The following CACNB2 variants were observed in gnomAD, a reference collection of about 807,000 sequenced individuals.
CACNB2 encodes the protein voltage-dependent L-type calcium channel subunit beta-2.
In CACNB2, 42 loss-of-function variants were observed where a neutral mutation model predicts 73.3. That is an observed-to-expected ratio of 0.57 (90% CI 0.45 to 0.74). CACNB2 has a LOEUF of 0.74. Among genes scored for constraint, CACNB2 ranks in the 30% least tolerant of loss-of-function variants. CACNB2 has a pLI of 0.00. For synonymous variants in CACNB2, 348 were observed against 310.3 expected (o/e 1.12, Z -1.28); for missense variants, 940 against 853.0 (o/e 1.10, Z -1.27).
chr10:18,425,346 A>T (rs529590944), intron 3 of CACNB2, among the ~76,000 whole-genome samples: 17 of 152,074 alleles, frequency 1.1e-4, no homozygotes, highest in African/African-American at 3.4e-4. Flanking sequence ...TTCTGTCACT[A>T]TTTTTGCTTT....
At chr10:18,400,320 G>A (rs1477129537) in intron 2 of CACNB2, among the ~76,000 whole-genome samples, 1 of 152,222 alleles carries the variant, frequency 6.6e-6, no homozygotes, top group Non-Finnish European at 1.5e-5. Flanking sequence ...GTAATGGAAA[G>A]GGATTATTAA....
intron 2 of CACNB2, among the ~76,000 whole-genome samples, chr10:18,155,095 A>C (rs1005040508): frequency 1.3e-5 from 2 of 152,134 alleles, no homozygotes. Flanking sequence ...TGCACAAATC[A>C]TGTGTTCAGC....
chr10:18,366,309 CA>C (rs1192269179), intron 2 of CACNB2, among the ~76,000 whole-genome samples: 1 of 150,390 alleles, frequency 6.6e-6, no homozygotes, highest in Non-Finnish European at 1.5e-5. Flanking sequence ...ACTAAAAATA[CA>C]AAAAATTAGC....
At chr10:18,395,523 T>G (rs1001597417) in intron 2 of CACNB2, among the ~76,000 whole-genome samples, 3 of 152,196 alleles carry the variant, frequency 2.0e-5, no homozygotes. Flanking sequence ...AGCCCTGTTT[T>G]CAGTATTTAG....
intron 2 of CACNB2, among the ~76,000 whole-genome samples, chr10:18,331,326 C>T (rs1312116077): frequency 2.0e-5 from 3 of 151,806 alleles, no homozygotes; most frequent in Non-Finnish European, 4.4e-5. Flanking sequence ...CAATGGCACA[C>T]ACCCATTGTC....
At chr10:18,207,627 C>T (rs2035150589) in intron 2 of CACNB2, among the ~76,000 whole-genome samples, 1 of 152,182 alleles carries the variant, frequency 6.6e-6, no homozygotes, top group Non-Finnish European at 1.5e-5. Flanking sequence ...TAAACACCTG[C>T]AGTACTGCAA....
chr10:18,332,353 T>G (rs2040838641), intron 2 of CACNB2, among the ~76,000 whole-genome samples: 1 of 152,046 alleles, frequency 6.6e-6, no homozygotes, highest in African/African-American at 2.4e-5. Flanking sequence ...GCTGGGAGGA[T>G]AGGGGAGCAT....
chr10:18,250,640 T>G (rs1438042127), intron 2 of CACNB2, among the ~76,000 whole-genome samples: 1 of 152,134 alleles, frequency 6.6e-6, no homozygotes, highest in Non-Finnish European at 1.5e-5. Flanking sequence ...TATTTAAGAT[T>G]TAGGATATCT....
chr10:18,203,110 A>C (rs1311227250), intron 2 of CACNB2, among the ~76,000 whole-genome samples: 1 of 152,240 alleles, frequency 6.6e-6, no homozygotes, highest in Non-Finnish European at 1.5e-5. Context: ...TCATGGGTAC[A>C]AAAGAGACAC....
At chr10:18,342,687 A>G (rs978118002) in intron 2 of CACNB2, among the ~76,000 whole-genome samples, 6 of 152,200 alleles carry the variant, frequency 3.9e-5, no homozygotes, top group African/African-American at 1.4e-4. Context: ...GAATGGTTAA[A>G]GTTTAAAACA....
chr10:18,192,134 C>T (rs572938075), intron 2 of CACNB2, among the ~76,000 whole-genome samples: 188 of 151,770 alleles, frequency 1.2e-3, no homozygotes, highest in Non-Finnish European at 2.4e-3. Flanking sequence ...GCAGAGGCAA[C>T]AAGAACAAGG....
At chr10:18,318,279 A>G (rs543874107) in intron 2 of CACNB2, among the ~76,000 whole-genome samples, 2 of 152,338 alleles carry the variant, frequency 1.3e-5, no homozygotes, top group East Asian at 3.9e-4. Context: ...AAACAGACAT[A>G]TAGACCAATG....
At chr10:18,491,998 G>C (rs2049463120) in intron 3 of CACNB2, among the ~76,000 whole-genome samples, 1 of 152,236 alleles carries the variant, frequency 6.6e-6, no homozygotes, top group African/African-American at 2.4e-5. Context: ...TCTGCAAGCT[G>C]TACAGGAATC....
chr10:18,509,787 C>A (rs1029336126), intron 6 of CACNB2, among the ~76,000 whole-genome samples: 1 of 151,910 alleles, frequency 6.6e-6, no homozygotes. Flanking sequence ...GAGACCCTGT[C>A]TCAAATAAAT....
intron 3 of CACNB2, among the ~76,000 whole-genome samples, chr10:18,464,548 C>T (rs200454449): frequency 3.9e-5 from 6 of 151,992 alleles, no homozygotes; most frequent in African/African-American, 1.4e-4. Context: ...AATCGGAGCA[C>T]CTGATTGCCC....
intron 2 of CACNB2, among the ~76,000 whole-genome samples, chr10:18,258,660 A>T (rs561724708): frequency 3.3e-5 from 5 of 152,152 alleles, no homozygotes; most frequent in Non-Finnish European, 7.4e-5. Flanking sequence ...CAGGAGGTGG[A>T]GGTTGCAGTG....
intron 2 of CACNB2, among the ~76,000 whole-genome samples, chr10:18,191,625 G>C (rs1014955293): frequency 6.6e-6 from 1 of 152,124 alleles, no homozygotes; most frequent in African/African-American, 2.4e-5. Context: ...AAAGTCCACT[G>C]TAGCATTCTT....
chr10:18,537,357 T>C (rs900494591), intron 12 of CACNB2, among the ~76,000 whole-genome samples: 3 of 152,226 alleles, frequency 2.0e-5, no homozygotes, highest in Non-Finnish European at 4.4e-5. Flanking sequence ...TGTTAAAATT[T>C]ATAATAAACA....
intron 2 of CACNB2, among the ~76,000 whole-genome samples, chr10:18,359,432 C>T (rs868312727): frequency 3.3e-5 from 5 of 151,964 alleles, no homozygotes; most frequent in Middle Eastern, 3.4e-3. Flanking sequence ...CCACCATGCC[C>T]GGCTAATTTT....
Sources: allele counts gnomAD v4.1 joint callset (sites outside exome capture counted in the v4.1 genomes callset), GRCh38; gene constraint gnomAD v4.1.1; transcripts MANE v1.5; gene names NCBI Gene and HGNC (gene_info 2026-07-23, HGNC 2026-07-21).